ZNF283: variants seen among roughly 807,000 people sequenced by gnomAD.
ZNF283 encodes the protein zinc finger protein 283.
Under a neutral mutation model 9.2 loss-of-function variants are expected in ZNF283, and 10 were observed. The ratio of observed to expected loss-of-function variants is 1.09; its 90% CI spans 0.67 to 1.85. The LOEUF (loss-of-function observed/expected upper bound fraction) is 1.85. ZNF283 is among the 40% of genes most tolerant of loss of function. The pLI is 0.00. For missense variants in ZNF283, 631 were observed against 760.1 expected, an observed-to-expected ratio of 0.83 and a Z score of 2.00; for synonymous variants, 234 against 244.1, an observed-to-expected ratio of 0.96 and a Z score of 0.38.
rs1971566746 is a variant in ZNF283, at chr19:43,850,166, T to C, written c.*1525T>C. On this transcript the variant is annotated 3_prime_UTR_variant, in exon 7 of 7. Transcript: ENST00000618787. ...TCATTCCTCATGGTGAAATTTGATA[T>C]GGGCCTCTCCTTCACATTTCTCGTA... 4 of 152,234 alleles carry C rather than the reference T, an allele frequency of 2.6e-5. No individual in the cohort carries two copies. The highest frequency in any genetic ancestry group is 7.2e-5 in the African/African-American group (3 of 41,464). 9.4% of individuals were successfully genotyped at this position (152,234 alleles called of 1,614,324 possible).
chr19:43,845,419 C>T (rs1971365986), intron 6 of ZNF283, among the ~76,000 whole-genome samples: 1 of 152,036 alleles, frequency 6.6e-6, no homozygotes, highest in African/African-American at 2.4e-5. Flanking sequence ...AAGGCATTAA[C>T]AAAAAGAGTT....
In ZNF283 at chr19:43,847,101, T is replaced by A. The variant is rs1442195018; in HGVS notation, c.500T>A (p.Leu167Gln). The A allele has an allele frequency of 1.9e-6, 3 of 1,613,350 alleles. No individual in the cohort carries two copies. The highest frequency in any genetic ancestry group is 2.5e-6 in the Non-Finnish European group (3 of 1,179,590). ...AAGTGCAAAAGCATATTCGAGGGAC[T>A]AAAAGGACATCAAGAGGGATACTTC... ...NWKCKSIFEG[L>Q]KGHQEGYFSQ... is the part of the protein sequence containing the mutation. Residue 167 changes from leucine (L) to glutamine (Q), a missense_variant, in exon 7 of 7, where the codon CTA (leucine) becomes CAA (glutamine). By Grantham distance (113) the Leu-to-Gln change is moderately radical (BLOSUM62 -2). This residue lies in a region of ZNF283 where 184 missense variants were observed against 220.0 expected (regional missense o/e 0.84). Coordinates refer to ENST00000618787, the MANE Select transcript of ZNF283 (RefSeq NM_181845.2).
Position 43,850,390 on chromosome 19 carries a change from A to ATATATATAT in ZNF283, c.*1749_*1750insTATATATAT, listed in dbSNP as rs1971572813. On this transcript the variant is annotated 3_prime_UTR_variant, in exon 7 of 7. Coordinates refer to ENST00000618787, the MANE Select transcript of ZNF283 (RefSeq NM_181845.2). Reference sequence around the variant, plus strand: ...CATTATATACCTAATAGGATTGGTCAGCCTTGATCAATGATCTTTGGAAAT... The same window carrying ATATATATAT: ...CATTATATACCTAATAGGATTGGTCATATATATATGCCTTGATCAATGATCTTTGGAAAT... The ATATATATAT allele has an allele frequency of 6.6e-6, 1 of 152,032 alleles. No individual in the cohort carries two copies. The highest frequency in any genetic ancestry group is 1.5e-5 in the Non-Finnish European group (1 of 68,018). 9.4% of individuals were successfully genotyped at this position (152,032 alleles called of 1,614,324 possible).
chr19:43,833,416 C>G (rs997500517), intron 3 of ZNF283, 89 bp from the exon 4 acceptor site: 1 of 193,662 alleles, frequency 5.2e-6, no homozygotes, highest in Non-Finnish European at 1.1e-5. Flanking sequence ...TTTTGGTTAC[C>G]AGAAATTATT....
At position 43,848,012 on chromosome 19, in the gene ZNF283, G is replaced by A. The variant is rs997186561; in HGVS notation, c.1411G>A (p.Gly471Ser). The change falls in exon 7 of 7, where the codon GGT becomes AGT. Residue 471 changes from glycine to serine, a missense_variant. Coordinates refer to ENST00000618787, the MANE Select transcript of ZNF283 (RefSeq NM_181845.2). The stretch of plus-strand genomic sequence containing the variant: ...GGAATGTGGGAAGGCCTTTAGTTGG[G>A]GTTCAAGCCTTGTTAAACATGAGAG... ...CKECGKAFSW[G>S]SSLVKHERVH... The A allele has an allele frequency of 6.2e-7, 1 of 1,613,640 alleles. No homozygotes were observed. Among genetic ancestry groups the A allele is most frequent in the East Asian group, 2.2e-5 (1 of 44,882 alleles).
chr19:43,835,669 C>T, intron 5 of ZNF283, 77 bp downstream of exon 5: 1 of 1,195,020 alleles, frequency 8.4e-7, no homozygotes, highest in Non-Finnish European at 1.2e-6. Context: ...TTTCCTTAGA[C>T]CTATAGAACT....
At chr19:43,828,657 T>A (rs1970575111) in intron 2 of ZNF283, among the ~76,000 whole-genome samples, 1 of 152,198 alleles carries the variant, frequency 6.6e-6, no homozygotes, top group Non-Finnish European at 1.5e-5. Flanking sequence ...AATTAAAATT[T>A]TTTTTTAACT....
rs191317922 is a variant in ZNF283 at position 43,848,112 on chromosome 19, G to T, written c.1511G>T (p.Arg504Leu). Residue 504 changes from arginine (R) to leucine (L), a missense_variant, in exon 7 of 7, where the codon CGA becomes CTA. Arg to Leu is a moderately radical substitution (Grantham distance 102, BLOSUM62 -2). Coordinates refer to ENST00000618787, the MANE Select transcript of ZNF283 (RefSeq NM_181845.2). ...KTFCSGYQLT[R>L]HQVFHTGEKP... ...TTTTGTAGTGGGTATCAACTTACTC[G>T]ACATCAGGTATTTCACACTGGTGAG... 6.2e-7 allele frequency: 1 copy of T among 1,610,192 alleles called. No individual in the cohort carries two copies. The highest frequency in any genetic ancestry group is 2.2e-5 in the East Asian group (1 of 44,600).
rs1265963441 is a variant in ZNF283, at chr19:43,848,628, A to C, written c.2027A>C (p.Asp676Ala). The change falls in exon 7 of 7, where the codon GAT becomes GCT. Residue 676 changes from aspartate to alanine, a missense_variant. Transcript: ENST00000618787. ...TACTCAAATGAGAAAATTGATACTG[A>C]TGAAACCTTATGATTGAAAGTTGTA... ...TTYSNEKIDT[D>A]ETL 3.9e-6 allele frequency: 6 copies of C among 1,550,354 alleles called. No homozygotes were observed. The highest frequency in any genetic ancestry group is 5.2e-6 in the Non-Finnish European group (6 of 1,147,762).
chr19:43,836,510 T>A (rs1434439812), intron 5 of ZNF283, among the ~76,000 whole-genome samples: 2 of 152,064 alleles, frequency 1.3e-5, no homozygotes, highest in Non-Finnish European at 2.9e-5. Flanking sequence ...CCTGGCTAAT[T>A]TTTGTATTGT....
chr19:43,847,209 C>A lies in ZNF283; in HGVS notation c.608C>A (p.Thr203Lys). The A allele has an allele frequency of 6.2e-7, 1 of 1,613,836 alleles. No homozygotes were observed. The highest frequency in any genetic ancestry group is 8.5e-7 in the Non-Finnish European group (1 of 1,179,802). Reference sequence around the variant, plus strand: ...ACTCCACATCAAAGAATTCATAATACAGAGAAATCCTATGTTTGTAAGGAA... The same window carrying A: ...ACTCCACATCAAAGAATTCATAATAAAGAGAAATCCTATGTTTGTAAGGAA... ...SLTPHQRIHN[T>K]EKSYVCKECG... is the part of the protein sequence containing the mutation. The change falls in exon 7 of 7, where the codon ACA becomes AAA. Residue 203 changes from threonine (T) to lysine (K), a missense_variant. Thr to Lys is a moderately conservative substitution (Grantham distance 78). Transcript: ENST00000618787.
At chr19:43,839,368 C>G (rs1365627998) in intron 6 of ZNF283, among the ~76,000 whole-genome samples, 1 of 151,854 alleles carries the variant, frequency 6.6e-6, no homozygotes, top group Non-Finnish European at 1.5e-5. Flanking sequence ...TTCCTGTGTT[C>G]TGAAGTCTTT....
chr19:43,845,395 A>T (rs949919510), intron 6 of ZNF283, among the ~76,000 whole-genome samples: 2 of 152,176 alleles, frequency 1.3e-5, no homozygotes, highest in Non-Finnish European at 2.9e-5. Flanking sequence ...CTGTTTCATT[A>T]TTCTGAATTG....
chr19:43,839,904 C>T (rs1273362896), intron 6 of ZNF283, among the ~76,000 whole-genome samples: 1 of 152,066 alleles, frequency 6.6e-6, no homozygotes, highest in Non-Finnish European at 1.5e-5. Flanking sequence ...TCTGGGCTTC[C>T]TCAGGAATGG....
intron 6 of ZNF283, 131 bp from the exon 7 acceptor site, chr19:43,846,808 C>A: frequency 3.0e-6 from 2 of 670,928 alleles, no homozygotes; most frequent in Non-Finnish European, 4.7e-6. Flanking sequence ...TGTTATTTAA[C>A]AAGGGAGTGC....
chr19:43,847,047 T>C lies in ZNF283; in HGVS notation c.446T>C (p.Leu149Pro). ...EMKDKSKTLG[L>P]EASIFRNNWK... ...AAGGACAAAAGTAAAACCCTTGGCC[T>C]TGAGGCATCCATCTTCAGAAATAAT... Residue 149 changes from leucine to proline, a missense_variant, in exon 7 of 7, where the codon CTT (leucine) becomes CCT (proline). Around this residue, in one of 3 missense-constraint regions of ZNF283, gnomAD observed 184 missense variants for 220.0 expected, o/e 0.84. Transcript: ENST00000618787. The C allele has an allele frequency of 6.2e-7, 1 of 1,612,226 alleles. No individual in the cohort carries two copies. The highest frequency in any genetic ancestry group is 8.5e-7 in the Non-Finnish European group (1 of 1,179,032).
chr19:43,840,852 AT>A (rs968618350), intron 6 of ZNF283: 33 of 136,858 alleles, frequency 2.4e-4, no homozygotes, highest in African/African-American at 8.9e-4. Flanking sequence ...CGCCCGGCTA[AT>A]TTTTTTTCTC....
intron 6 of ZNF283, among the ~76,000 whole-genome samples, chr19:43,845,157 A>G (rs1373606220): frequency 1.3e-5 from 2 of 152,180 alleles, no homozygotes; most frequent in Non-Finnish European, 2.9e-5. Flanking sequence ...TAGAAAGGCC[A>G]AACTTCTCTT....
chr19:43,844,177 T>A (rs1465751592), intron 6 of ZNF283, among the ~76,000 whole-genome samples: 3 of 152,200 alleles, frequency 2.0e-5, no homozygotes, highest in Admixed American at 6.5e-5. Context: ...AATTAGTAAA[T>A]ATCTTAAAAT....
Sources: allele counts gnomAD v4.1 joint callset (sites outside exome capture counted in the v4.1 genomes callset), GRCh38; gene constraint gnomAD v4.1.1; regional missense constraint gnomAD v4.1.1; transcripts MANE v1.5; gene names NCBI Gene and HGNC (gene_info 2026-07-23, HGNC 2026-07-21).